The following NR1H4 variants were observed in gnomAD, a reference collection of about 807,000 sequenced individuals.
The protein encoded by NR1H4 is bile acid receptor.
Under a neutral mutation model 58.5 loss-of-function variants are expected in NR1H4, and 23 were observed. The ratio of observed to expected loss-of-function variants is 0.39; its 90% CI spans 0.28 to 0.56. NR1H4 has a LOEUF of 0.56. Ranked by LOEUF, NR1H4 falls within the 20% of genes least tolerant of loss-of-function variation. The pLI is 0.58. For synonymous variants in NR1H4, 214 were observed against 198.0 expected (o/e 1.08, Z -0.68); for missense variants, 487 against 576.9 (o/e 0.84, Z 1.60).
chr12:100,514,329 T>C (rs1954208726), intron 4 of NR1H4, among the ~76,000 whole-genome samples: 1 of 152,220 alleles, frequency 6.6e-6, no homozygotes. Flanking sequence ...AATCTGCCTG[T>C]TTCATCTTCT....
chr12:100,535,235 C>G (rs1954788567), intron 6 of NR1H4, among the ~76,000 whole-genome samples: 1 of 152,246 alleles, frequency 6.6e-6, no homozygotes, highest in Non-Finnish European at 1.5e-5. Flanking sequence ...TTCCTTCTCT[C>G]TGACTCCATT....
chr12:100,535,014 G>A lies in NR1H4; in HGVS notation c.723G>A (p.Lys241=), dbSNP rs760945986. The change falls in exon 6 of 11, where the codon AAG becomes AAA. Residue 241 remains lysine (K), a synonymous_variant. Transcript: ENST00000392986. ...TGCGACAAGTGACCTCGACAACAAA[G>A]TCATGCAGGGTAATAATATGCAATG... ...RDLRQVTSTT[K]SCREKTELTP... 6.2e-7 allele frequency: 1 copy of A among 1,614,208 alleles called. No individual in the cohort carries two copies. The highest frequency in any genetic ancestry group is 8.5e-7 in the Non-Finnish European group (1 of 1,180,028).
At chr12:100,477,249 G>T (rs1953290146) in intron 1 of NR1H4, among the ~76,000 whole-genome samples, 1 of 151,960 alleles carries the variant, frequency 6.6e-6, no homozygotes, top group South Asian at 2.1e-4. Context: ...CAACTTGATT[G>T]CAAAGTAAAA....
rs567334006 is a variant in NR1H4 at position 100,544,106 on chromosome 12, G to A, written c.1078+3288G>A. Among the ~76,000 whole-genome samples, 310 of 152,018 alleles carry A rather than the reference G, an allele frequency of 2.0e-3. 2 individuals carry two copies. The highest frequency in any genetic ancestry group is 7.1e-3 in the African/African-American group (296 of 41,464). On this transcript the variant is annotated intron_variant, in intron 9 of 10. Coordinates refer to ENST00000392986, the MANE Select transcript of NR1H4 (RefSeq NM_001206979.2). Reference sequence around the variant, plus strand: ...TCTCTACTAAAAATACAAACAATTAGTCAGGCGTGGTGGCGGGTGCCTGTA... The same window carrying A: ...TCTCTACTAAAAATACAAACAATTAATCAGGCGTGGTGGCGGGTGCCTGTA...
intron 3 of NR1H4, chr12:100,500,122 T>C (rs1953801170): frequency 2.8e-6 from 1 of 355,934 alleles, no homozygotes. Flanking sequence ...AGTAGGCAAC[T>C]GAAATATAAT....
At chr12:100,507,526 G>A (rs1044985687) in intron 3 of NR1H4, among the ~76,000 whole-genome samples, 3 of 151,938 alleles carry the variant, frequency 2.0e-5, no homozygotes, top group East Asian at 1.9e-4. Context: ...GCAGTGGCGC[G>A]ATCTCGGCTC....
At chr12:100,521,408 G>A (rs995131413) in intron 4 of NR1H4, among the ~76,000 whole-genome samples, 3 of 152,150 alleles carry the variant, frequency 2.0e-5, no homozygotes, top group African/African-American at 7.2e-5. Context: ...GCAGCATATG[G>A]AAATGTGCTA....
chr12:100,529,696 A>T (rs909787976), intron 4 of NR1H4, among the ~76,000 whole-genome samples: 1 of 152,090 alleles, frequency 6.6e-6, no homozygotes, highest in Non-Finnish European at 1.5e-5. Context: ...TTATTCTTCA[A>T]AGCCCAGATC....
chr12:100,561,613 A>G (rs567994508), intron 9 of NR1H4, among the ~76,000 whole-genome samples: 13 of 152,330 alleles, frequency 8.5e-5, no homozygotes, highest in African/African-American at 3.1e-4. Context: ...GAGCATTATC[A>G]TTGATTATTA....
At chr12:100,479,271 C>T (rs1029094484) in intron 1 of NR1H4, among the ~76,000 whole-genome samples, 3 of 152,104 alleles carry the variant, frequency 2.0e-5, no homozygotes, top group African/African-American at 7.2e-5. Context: ...TAATAAAGTC[C>T]TTCTCAATCC....
intron 9 of NR1H4, among the ~76,000 whole-genome samples, chr12:100,555,085 T>C (rs1038936490): frequency 2.6e-5 from 4 of 152,218 alleles, no homozygotes; most frequent in Non-Finnish European, 4.4e-5. Flanking sequence ...TGTAATTAGA[T>C]AGCTAATGGA....
intron 1 of NR1H4, among the ~76,000 whole-genome samples, chr12:100,475,124 CCTATCTATCTATCTAT>C (rs10629376): frequency 1.4e-5 from 2 of 143,086 alleles, no homozygotes; most frequent in African/African-American, 2.7e-5. Flanking sequence ...AAGTGGTTTA[CCTATCTATCTATCTAT>C]CTATCTATCT....
intron 9 of NR1H4, among the ~76,000 whole-genome samples, chr12:100,549,205 G>T (rs1955150020): frequency 6.6e-6 from 1 of 152,152 alleles, no homozygotes; most frequent in Non-Finnish European, 1.5e-5. Context: ...GGGCATGGTG[G>T]CATGTGCCGG....
intron 9 of NR1H4, among the ~76,000 whole-genome samples, chr12:100,542,310 A>G (rs1954956624): frequency 6.6e-6 from 1 of 152,072 alleles, no homozygotes; most frequent in Non-Finnish European, 1.5e-5. Flanking sequence ...TCGTGCCACC[A>G]CACTCCAGCC....
rs370126770 is a variant in NR1H4 at position 100,522,281 on chromosome 12, T to C, written c.446-10177T>C. Reference sequence around the variant, plus strand: ...TAGATAATCTATATCAAGTGATTACTATGTGCAGGCACTGTTCTGGGAGGC... The same window carrying C: ...TAGATAATCTATATCAAGTGATTACCATGTGCAGGCACTGTTCTGGGAGGC... On this transcript the variant is annotated intron_variant, in intron 4 of 10. Coordinates refer to ENST00000392986, the MANE Select transcript of NR1H4 (RefSeq NM_001206979.2). Among the ~76,000 whole-genome samples the C allele has an allele frequency of 2.8e-4, 43 of 152,298 alleles. No homozygotes were observed. In the South Asian group the frequency reaches 8.9e-3, roughly 32 times the overall value.
At chr12:100,476,535 C>G (rs921736620) in intron 1 of NR1H4, among the ~76,000 whole-genome samples, 5 of 152,108 alleles carry the variant, frequency 3.3e-5, no homozygotes, top group African/African-American at 4.8e-5. Flanking sequence ...GGCTCACAGT[C>G]TCTGGATTAT....
At chr12:100,520,526 C>T (rs1387295508) in intron 4 of NR1H4, among the ~76,000 whole-genome samples, 1 of 152,166 alleles carries the variant, frequency 6.6e-6, no homozygotes, top group Non-Finnish European at 1.5e-5. Context: ...CAGGAAGACA[C>T]CACCTCAGCT....
chr12:100,506,005 AC>A (rs1953953473), intron 3 of NR1H4, among the ~76,000 whole-genome samples: 2 of 85,336 alleles, frequency 2.3e-5, no homozygotes, highest in Admixed American at 1.0e-4. Context: ...TGTTTATAAC[AC>A]ACACACACAC....
intron 4 of NR1H4, among the ~76,000 whole-genome samples, chr12:100,530,404 T>C (rs1459251377): frequency 6.6e-6 from 1 of 152,168 alleles, no homozygotes; most frequent in Non-Finnish European, 1.5e-5. Context: ...GTAAAGTAGC[T>C]CAAACAATAG....
Sources: allele counts gnomAD v4.1 joint callset (sites outside exome capture counted in the v4.1 genomes callset), GRCh38; gene constraint gnomAD v4.1.1; transcripts MANE v1.5; gene names NCBI Gene and HGNC (gene_info 2026-07-23, HGNC 2026-07-21).